Variants in PPEF2 observed in about 807,000 individuals in gnomAD.
The protein encoded by PPEF2 is protein phosphatase with EF-hand domain 2.
In PPEF2, 84 loss-of-function variants were observed where a neutral mutation model predicts 84.7. The ratio of observed to expected loss-of-function variants is 0.99; its 90% confidence interval spans 0.83 to 1.19. The LOEUF (loss-of-function observed/expected upper bound fraction) is 1.19, where lower values mean the gene tolerates loss of function less well. Among genes scored for constraint, PPEF2 ranks in the 50% most tolerant of loss-of-function variants. The probability of loss-of-function intolerance (pLI) is 0.00; values close to 1 mark genes in which losing one functional copy is unlikely to be tolerated. For synonymous variants in PPEF2, 346 were observed against 345.2 expected, an observed-to-expected ratio of 1.00 and a Z score of -0.03; for missense variants, 924 against 937.5, an observed-to-expected ratio of 0.99 and a Z score of 0.19.
chr4:75,870,804 C>G (rs1012993354), intron 13 of PPEF2, among the ~76,000 whole-genome samples: 11 of 152,198 alleles, frequency 7.2e-5, no homozygotes, highest in African/African-American at 2.4e-4. Context: ...TGTGAGGCTA[C>G]CCATATAAAT....
At chr4:75,893,494 A>ACT (rs1461412348) in intron 2 of PPEF2, among the ~76,000 whole-genome samples, 1 of 149,730 alleles carries the variant, frequency 6.7e-6, no homozygotes, top group South Asian at 2.1e-4. Flanking sequence ...TCTGACACAC[A>ACT]CACACACACA....
rs370901018 is a variant in PPEF2 at position 75,866,194 on chromosome 4, G to A, written c.1915C>T (p.Arg639Cys). The change falls in exon 15 of 17, where the codon CGC becomes TGC. Residue 639 changes from arginine to cysteine, a missense_variant. Arg to Cys is a radical substitution (Grantham distance 180). Coordinates refer to ENST00000286719, the MANE Select transcript of PPEF2 (RefSeq NM_006239.3). The stretch of plus-strand genomic sequence containing the variant: ...CACCATTACCACACCGTTACCTCGC[G>A]ACTCAGTTGTTCCTTGGCCAAGTTC... The part of the protein sequence containing the change: ...LKNLAKEQLS[R>C]ENIQSSLLET... 8.0e-5 allele frequency: 129 copies of A among 1,611,244 alleles called. 1 individual carries two copies. The highest frequency in any genetic ancestry group is 7.9e-4 in the South Asian group (72 of 90,574).
intron 11 of PPEF2, among the ~76,000 whole-genome samples, chr4:75,874,307 T>G (rs959128218): frequency 2.1e-4 from 32 of 151,750 alleles, no homozygotes; most frequent in African/African-American, 7.5e-4. Flanking sequence ...TTTTGTTTTT[T>G]TTTTTTGAGA....
intron 7 of PPEF2, among the ~76,000 whole-genome samples, chr4:75,886,403 C>T (rs1228809717): frequency 1.3e-5 from 2 of 152,186 alleles, no homozygotes; most frequent in African/African-American, 2.4e-5. Flanking sequence ...CCGCCCCTCA[C>T]CCGTCATGCA....
Position 75,864,544 on chromosome 4 carries a change from A to G in PPEF2, c.1921-17T>C. The G allele has an allele frequency of 1.9e-6, 3 of 1,581,924 alleles. No homozygotes were observed. In the South Asian group the frequency reaches 3.3e-5, roughly 18 times the overall value. On this transcript the variant is annotated splice_polypyrimidine_tract_variant and intron_variant, in intron 15 of 16. Coordinates refer to ENST00000286719, the MANE Select transcript of PPEF2 (RefSeq NM_006239.3). ...TTGTATGTTCTGCAAGAAAAAATTC[A>G]TTTTCCTTCTTTGTCATACGTTTAG... is the stretch of plus-strand genomic sequence containing the variant.
chr4:75,877,649 T>A (rs1228640747), intron 10 of PPEF2, among the ~76,000 whole-genome samples: 2 of 151,150 alleles, frequency 1.3e-5, no homozygotes, highest in Non-Finnish European at 3.0e-5. Flanking sequence ...TGGGCTTGTA[T>A]CTTTTGTTTG....
At position 75,878,276 on chromosome 4, in the gene PPEF2, C is replaced by T. The variant is rs374601690; in HGVS notation, c.934-1603G>A. On this transcript the variant is annotated intron_variant, in intron 10 of 16. Transcript: ENST00000286719. ...GCTGAGGACATAAGTGGCACGAATTCTGATCAGGGGTCAGGCCACAGAGCA... is the reference window on the plus strand; with the variant it reads ...GCTGAGGACATAAGTGGCACGAATTTTGATCAGGGGTCAGGCCACAGAGCA... Among the ~76,000 whole-genome samples, 37 of 152,344 alleles carry T rather than the reference C, an allele frequency of 2.4e-4. No individual in the cohort carries two copies. The East Asian group carries it at 3.9e-3, about 16-fold the overall frequency.
At chr4:75,883,439 ATCTC>A (rs1203591841) in intron 8 of PPEF2, 3 of 545,170 alleles carry the variant, frequency 5.5e-6, no homozygotes, top group Non-Finnish European at 9.7e-6. Flanking sequence ...ACTATCATGA[ATCTC>A]TATTATTTAT....
At chr4:75,864,756 T>A (rs1724088544) in intron 15 of PPEF2, among the ~76,000 whole-genome samples, 1 of 152,158 alleles carries the variant, frequency 6.6e-6, no homozygotes, top group South Asian at 2.1e-4. Flanking sequence ...TGGTTGCACA[T>A]ACAGGTTGTG....
intron 4 of PPEF2, among the ~76,000 whole-genome samples, chr4:75,891,134 T>G (rs547897331): frequency 7.3e-5 from 11 of 150,966 alleles, no homozygotes; most frequent in Admixed American, 7.3e-4. Flanking sequence ...TGAGCCAAGA[T>G]CATGCCACTG....
chr4:75,862,683 C>G (rs1322280826), intron 16 of PPEF2, among the ~76,000 whole-genome samples: 3 of 152,022 alleles, frequency 2.0e-5, no homozygotes, highest in African/African-American at 7.2e-5. Flanking sequence ...AAACTGGAAC[C>G]CTCATACATT....
intron 1 of PPEF2, among the ~76,000 whole-genome samples, chr4:75,901,464 T>C (rs1035141210): frequency 6.6e-6 from 1 of 150,946 alleles, no homozygotes; most frequent in African/African-American, 2.4e-5. Context: ...GAAGTTGTAG[T>C]GAGCCAAGAT....
chr4:75,888,333 T>A lies in PPEF2; in HGVS notation c.418-5A>T, dbSNP rs769412061. The A allele has an allele frequency of 3.7e-6, 6 of 1,600,188 alleles. No individual in the cohort carries two copies. The highest frequency in any genetic ancestry group is 5.1e-6 in the Non-Finnish European group (6 of 1,167,382). On this transcript the variant is annotated splice_region_variant and splice_polypyrimidine_tract_variant and intron_variant, in intron 5 of 16. Coordinates refer to ENST00000286719, the MANE Select transcript of PPEF2 (RefSeq NM_006239.3). ...GACGTAGCGAGCATGGAGCTGCTAC[T>A]GGGAGGAAGAGGAGGGAAGGAAGAA...
chr4:75,885,938 C>T (rs1008425631), intron 7 of PPEF2, among the ~76,000 whole-genome samples: 5 of 151,488 alleles, frequency 3.3e-5, no homozygotes, highest in Admixed American at 1.3e-4. Context: ...GAACCTGGGA[C>T]GCGGAGGTTG....
intron 11 of PPEF2, among the ~76,000 whole-genome samples, chr4:75,874,779 C>T (rs1447852561): frequency 6.6e-6 from 1 of 152,222 alleles, no homozygotes; most frequent in Non-Finnish European, 1.5e-5. Context: ...AACTCACCAT[C>T]TCTTTCTCCG....
At chr4:75,894,942 A>G (rs1476615788) in intron 2 of PPEF2, among the ~76,000 whole-genome samples, 3 of 152,094 alleles carry the variant, frequency 2.0e-5, no homozygotes, top group African/African-American at 7.2e-5. Flanking sequence ...AATATTTGCA[A>G]TTTATATCAC....
At position 75,884,613 on chromosome 4, in the gene PPEF2, C is replaced by A. The variant is rs765513395; in HGVS notation, c.727G>T (p.Asp243Tyr). The change falls in exon 8 of 17, where the codon GAC (aspartate) becomes TAC (tyrosine). Residue 243 changes from aspartate to tyrosine, a missense_variant. Coordinates refer to ENST00000286719, the MANE Select transcript of PPEF2 (RefSeq NM_006239.3). ...TTGTACCGTAAGTTCACCATATGGT[C>A]CTCATGGTTTCCTCTGTTAAGATGG... Reference protein sequence around the residue: ...EFHLNRGNHEDHMVNLRYGFT... With the variant: ...EFHLNRGNHEYHMVNLRYGFT... 17 of 1,607,732 alleles carry A rather than the reference C, an allele frequency of 1.1e-5. No individual in the cohort carries two copies. Among genetic ancestry groups the A allele is most frequent in the Non-Finnish European group, 1.4e-5 (16 of 1,178,476 alleles).
chr4:75,876,781 A>T, intron 10 of PPEF2, 108 bp from the exon 11 acceptor site: 1 of 1,225,480 alleles, frequency 8.2e-7, no homozygotes, highest in Non-Finnish European at 1.1e-6. Flanking sequence ...TGAGCCCAGC[A>T]GAACACTCAA....
intron 10 of PPEF2, among the ~76,000 whole-genome samples, chr4:75,880,368 C>G (rs573866206): frequency 3.9e-4 from 60 of 152,310 alleles, no homozygotes; most frequent in African/African-American, 1.4e-3. Context: ...GATAGTCTGA[C>G]TCTGGAGCCC....
Sources: allele counts gnomAD v4.1 joint callset (sites outside exome capture counted in the v4.1 genomes callset), GRCh38; gene constraint gnomAD v4.1.1; transcripts MANE v1.5; gene names NCBI Gene and HGNC (gene_info 2026-07-23, HGNC 2026-07-21).